AGMO: variants seen among roughly 807,000 people sequenced by gnomAD.
AGMO encodes glyceryl-ether monooxygenase.
In AGMO, 75 loss-of-function variants were observed where a neutral mutation model predicts 60.2. That is an observed-to-expected ratio of 1.25 (90% CI 1.03 to 1.51). The LOEUF is 1.51. Among genes scored for constraint, AGMO ranks in the 40% most tolerant of loss-of-function variants. The probability of loss-of-function intolerance (pLI) is 0.00; values close to 1 mark genes in which losing one functional copy is unlikely to be tolerated. For missense variants in AGMO, 763 were observed against 525.5 expected (o/e 1.45, Z -4.42); for synonymous variants, 261 against 177.1 (o/e 1.47, Z -3.76).
At chr7:15,364,266 TAG>T (rs1244792075) in intron 12 of AGMO, among the ~76,000 whole-genome samples, 1 of 151,994 alleles carries the variant, frequency 6.6e-6, no homozygotes, top group Non-Finnish European at 1.5e-5. Flanking sequence ...AGCAACATGT[TAG>T]GTTTTGTTTA....
At chr7:15,247,459 C>CAGAGAG (rs35939832) in intron 12 of AGMO, among the ~76,000 whole-genome samples, 1,224 of 115,184 alleles carry the variant, frequency 0.011, 33 homozygotes, top group African/African-American at 0.042. Context: ...CACACACACA[C>CAGAGAG]AGAGAGAGAG....
intron 12 of AGMO, among the ~76,000 whole-genome samples, chr7:15,239,711 A>G (rs1477783738): frequency 6.6e-6 from 1 of 152,106 alleles, no homozygotes; most frequent in Non-Finnish European, 1.5e-5. Flanking sequence ...GCGTTTTACA[A>G]TTTCATTTGC....
At chr7:15,303,961 T>C (rs1780530915) in intron 12 of AGMO, among the ~76,000 whole-genome samples, 1 of 152,146 alleles carries the variant, frequency 6.6e-6, no homozygotes, top group Non-Finnish European at 1.5e-5. Flanking sequence ...TCTGTGGGTA[T>C]ATCTCTAATA....
chr7:15,489,047 C>A (rs1782998315), intron 3 of AGMO, among the ~76,000 whole-genome samples: 1 of 152,100 alleles, frequency 6.6e-6, no homozygotes, highest in South Asian at 2.1e-4. Context: ...AGGATTCTTA[C>A]AAATCATATA....
intron 3 of AGMO, among the ~76,000 whole-genome samples, chr7:15,447,437 G>C (rs981664228): frequency 6.6e-6 from 1 of 152,210 alleles, no homozygotes; most frequent in Non-Finnish European, 1.5e-5. Flanking sequence ...TAAAACAGGT[G>C]TTTAAGAACC....
intron 12 of AGMO, among the ~76,000 whole-genome samples, chr7:15,261,082 CA>C (rs763667518): frequency 1.3e-5 from 2 of 151,976 alleles, no homozygotes; most frequent in Non-Finnish European, 2.9e-5. Flanking sequence ...CATAAATAGA[CA>C]ATCTAAAGTC....
the AGMO span, among the ~76,000 whole-genome samples, chr7:15,150,897 C>G: frequency 6.6e-6 from 1 of 151,984 alleles, no homozygotes; most frequent in Non-Finnish European, 1.5e-5. Flanking sequence ...AGTATTGGTA[C>G]CAGTTCTTCT....
At chr7:15,182,385 T>G in the AGMO span, among the ~76,000 whole-genome samples, 230 of 152,208 alleles carry the variant, frequency 1.5e-3, no homozygotes, top group Middle Eastern at 6.8e-3. Flanking sequence ...GATAAAAAAT[T>G]AGGAAAAAAA....
At chr7:15,129,592 C>A in the AGMO span, among the ~76,000 whole-genome samples, 1 of 152,020 alleles carries the variant, frequency 6.6e-6, no homozygotes, top group African/African-American at 2.4e-5. Flanking sequence ...AAAATATATT[C>A]TTTAAAGACA....
At chr7:15,388,893 G>A (rs1784029849) in intron 8 of AGMO, among the ~76,000 whole-genome samples, 1 of 152,078 alleles carries the variant, frequency 6.6e-6, no homozygotes, top group Non-Finnish European at 1.5e-5. Context: ...ACCCACTTGT[G>A]GCAATTACTA....
chr7:15,280,947 C>T (rs1315682144), intron 12 of AGMO, among the ~76,000 whole-genome samples: 3 of 152,194 alleles, frequency 2.0e-5, no homozygotes, highest in African/African-American at 4.8e-5. Flanking sequence ...TAGGTCACAT[C>T]ACTGGATTTC....
At chr7:15,556,979 C>T (rs1472011081) in intron 2 of AGMO, among the ~76,000 whole-genome samples, 1 of 151,926 alleles carries the variant, frequency 6.6e-6, no homozygotes. Context: ...CATGGTCTGT[C>T]CAACAGGCTT....
intron 12 of AGMO, among the ~76,000 whole-genome samples, chr7:15,323,526 T>C (rs1262291916): frequency 2.0e-5 from 3 of 152,154 alleles, no homozygotes; most frequent in African/African-American, 7.2e-5. Context: ...CATTTGAGTT[T>C]TGTCTTACAA....
At chr7:15,545,092 T>C (rs1456006093) in intron 2 of AGMO, among the ~76,000 whole-genome samples, 169 bp from the exon 3 acceptor site, 1 of 152,208 alleles carries the variant, frequency 6.6e-6, no homozygotes, top group African/African-American at 2.4e-5. Context: ...AATTCCTTGG[T>C]ATCAAAATCA....
chr7:15,452,529 A>G (rs1035501132), intron 3 of AGMO, among the ~76,000 whole-genome samples: 13 of 152,196 alleles, frequency 8.5e-5, no homozygotes, highest in African/African-American at 2.9e-4. Flanking sequence ...CAAAACCACA[A>G]TTACATACCA....
intron 3 of AGMO, among the ~76,000 whole-genome samples, chr7:15,540,239 G>A (rs1323518400): frequency 3.3e-5 from 5 of 152,154 alleles, no homozygotes; most frequent in Non-Finnish European, 7.4e-5. Context: ...TCTCTGGAGA[G>A]GTTGTGGCTA....
chr7:15,208,499 G>C (rs1781495881), intron 12 of AGMO, among the ~76,000 whole-genome samples: 1 of 152,106 alleles, frequency 6.6e-6, no homozygotes, highest in South Asian at 2.1e-4. Context: ...GTCTGTTTTA[G>C]TTTTTATAAA....
chr7:15,281,302 G>A (rs1185793910), intron 12 of AGMO, among the ~76,000 whole-genome samples: 4 of 152,130 alleles, frequency 2.6e-5, no homozygotes, highest in African/African-American at 9.7e-5. Context: ...GTCCACCACT[G>A]CAGATACAGC....
chr7:15,240,971 A>G (rs1304219100), intron 12 of AGMO, among the ~76,000 whole-genome samples: 1 of 152,166 alleles, frequency 6.6e-6, no homozygotes, highest in Admixed American at 6.5e-5. Context: ...TTCTCCATCT[A>G]TTAAACACAT....
Sources: gnomAD v4.1 joint callset for allele counts (sites outside exome capture counted in the v4.1 genomes callset) on GRCh38, gnomAD v4.1.1 for gene constraint, MANE v1.5 for transcripts, NCBI Gene and HGNC (gene_info 2026-07-23, HGNC 2026-07-21) for gene names.